Variants in PNKD observed in about 807,000 individuals in gnomAD.
The protein encoded by PNKD is PNKD metallo-beta-lactamase domain containing, also known as probable thioesterase PNKD.
A neutral mutation model predicts 45.3 loss-of-function variants in PNKD; 36 were observed. That is an observed-to-expected ratio of 0.80 (90% CI 0.61 to 1.05). The LOEUF (loss-of-function observed/expected upper bound fraction) is 1.05, where lower values mean the gene tolerates loss of function less well. PNKD is among the 50% of genes least tolerant of loss of function. The pLI, the probability that PNKD is intolerant of heterozygous loss-of-function variation, is 0.00. For missense variants in PNKD, 511 were observed against 506.6 expected (o/e 1.01, Z -0.08); for synonymous variants, 197 against 210.1 (o/e 0.94, Z 0.54).
intron 2 of PNKD, among the ~76,000 whole-genome samples, chr2:218,307,615 C>T (rs1389461075): frequency 1.3e-5 from 2 of 152,138 alleles, no homozygotes; most frequent in Non-Finnish European, 2.9e-5. Context: ...TTTGCCTGTC[C>T]TGCTGTGTGG....
At chr2:218,301,266 T>C (rs80221964) in intron 2 of PNKD, among the ~76,000 whole-genome samples, 5,031 of 152,218 alleles carry the variant, frequency 0.033, 270 homozygotes, top group African/African-American at 0.11. Context: ...CACAGATCTA[T>C]AGCGCTGGTC....
intron 2 of PNKD, among the ~76,000 whole-genome samples, chr2:218,322,956 G>A (rs1694028780): frequency 6.6e-6 from 1 of 152,174 alleles, no homozygotes; most frequent in African/African-American, 2.4e-5. Flanking sequence ...GGCGAACTGC[G>A]AGCTCCTGCC....
chr2:218,292,648 C>T (rs1693019133), intron 2 of PNKD: 2 of 152,100 alleles, frequency 1.3e-5, no homozygotes, highest in African/African-American at 4.8e-5. Flanking sequence ...CTCTCAGAGC[C>T]CCGACGACGC....
Position 218,280,362 on chromosome 2 carries a change from G to T in PNKD, c.236+8813G>T, listed in dbSNP as rs532061054. 6.4e-6 allele frequency: 3 copies of T among 470,812 alleles called. No individual in the cohort carries two copies. The East Asian group carries it at 1.3e-4, about 20-fold the overall frequency. The allele number at this position is 470,812 out of a possible 1,614,324, so 29.2% of individuals were successfully genotyped here. A position where few individuals can be genotyped will look rare whatever the true frequency, so the allele number is the denominator to read the frequency against. On this transcript the variant is annotated intron_variant, in intron 2 of 9. Transcript: ENST00000273077. ...TCACGTGCATCTGTGGAGGGCTCCT[G>T]TGTGCCCAGCCCACGCCACTGGGGG...
intron 6 of PNKD, 167 bp from the exon 7 acceptor site, chr2:218,341,814 A>G: frequency 1.3e-6 from 1 of 765,260 alleles, no homozygotes; most frequent in Non-Finnish European, 2.3e-6. Flanking sequence ...TCCCCAAAAG[A>G]GGAAAGGGGG....
intron 2 of PNKD, chr2:218,323,245 G>A: frequency 6.8e-7 from 1 of 1,467,220 alleles, no homozygotes; most frequent in Non-Finnish European, 9.0e-7. Flanking sequence ...GCCCCGCCCG[G>A]CCGGCGCGTG....
intron 2 of PNKD, among the ~76,000 whole-genome samples, chr2:218,292,973 G>A (rs1693030511): frequency 6.6e-6 from 1 of 152,164 alleles, no homozygotes; most frequent in Non-Finnish European, 1.5e-5. Flanking sequence ...CCATTGCATG[G>A]CTATGCGGAT....
chr2:218,298,855 A>G (rs894701042), intron 2 of PNKD, among the ~76,000 whole-genome samples: 1 of 152,158 alleles, frequency 6.6e-6, no homozygotes, highest in Non-Finnish European at 1.5e-5. Flanking sequence ...GCTCCTCCTC[A>G]TAGATACTTG....
At chr2:218,271,160 G>A (rs995817199) in intron 1 of PNKD, 4 of 602,106 alleles carry the variant, frequency 6.6e-6, no homozygotes, top group African/African-American at 3.7e-5. Context: ...TGGCACCAGG[G>A]TGATGAGCCC....
chr2:218,296,171 A>G (rs1233775053), intron 2 of PNKD, among the ~76,000 whole-genome samples: 1 of 152,132 alleles, frequency 6.6e-6, no homozygotes, highest in Admixed American at 6.6e-5. Context: ...TCATATAAGC[A>G]TATCCCACTG....
At chr2:218,271,818 G>A (rs1196549991) in intron 2 of PNKD, among the ~76,000 whole-genome samples, 2 of 152,176 alleles carry the variant, frequency 1.3e-5, no homozygotes, top group Non-Finnish European at 2.9e-5. Context: ...TGGGAGCTTG[G>A]AGTGAGACCC....
intron 2 of PNKD, among the ~76,000 whole-genome samples, chr2:218,311,174 C>T (rs1693605160): frequency 6.6e-6 from 1 of 152,170 alleles, no homozygotes; most frequent in Admixed American, 6.5e-5. Flanking sequence ...AGCCTATTTG[C>T]CTCCCCATCT....
At chr2:218,330,249 G>A (rs138852044) in intron 2 of PNKD, among the ~76,000 whole-genome samples, 9 of 152,302 alleles carry the variant, frequency 5.9e-5, no homozygotes, top group South Asian at 2.1e-4. Flanking sequence ...CCGGCCCTGG[G>A]CCTAGCTGGG....
chr2:218,339,897 T>C lies in PNKD; in HGVS notation c.351T>C (p.Asn117=), dbSNP rs1441331631. ...CGAAAACCCAGCCCCGCCTCTTCAA[T>C]GGTGAGCTCTGACTGCCCCGGCCAG... The part of the protein sequence containing the change: ...GHSKTQPRLF[N]GVKVLPIPVL... The change falls in exon 3 of 10, where the codon AAT becomes AAC. Residue 117 remains asparagine (N), a splice_region_variant and synonymous_variant. Transcript: ENST00000273077. 10 of 1,602,130 alleles carry C rather than the reference T, an allele frequency of 6.2e-6. No individual in the cohort carries two copies. Among genetic ancestry groups the C allele is most frequent in the Non-Finnish European group, 8.5e-6 (10 of 1,170,870 alleles).
intron 2 of PNKD, 114 bp from the exon 3 acceptor site, chr2:218,339,669 A>C: frequency 1.4e-6 from 1 of 729,066 alleles, no homozygotes; most frequent in East Asian, 2.7e-5. Context: ...GTGGAATTGC[A>C]TTGGCTCACA....
At chr2:218,338,538 A>G (rs1694567748) in intron 2 of PNKD, among the ~76,000 whole-genome samples, 1 of 151,626 alleles carries the variant, frequency 6.6e-6, no homozygotes, top group Non-Finnish European at 1.5e-5. Flanking sequence ...AGGCCAAGGC[A>G]GGAGGATTTG....
At chr2:218,277,654 A>C (rs1180354064) in intron 2 of PNKD, 1 of 1,614,108 alleles carries the variant, frequency 6.2e-7, no homozygotes, top group East Asian at 2.2e-5. Flanking sequence ...GCCCGTCATG[A>C]AGCCCATGGC....
At chr2:218,320,136 C>T (rs927361460) in intron 2 of PNKD, among the ~76,000 whole-genome samples, 17 of 152,202 alleles carry the variant, frequency 1.1e-4, no homozygotes, top group African/African-American at 3.9e-4. Flanking sequence ...TTTCAAAGAA[C>T]GTTTGTGAGT....
At chr2:218,295,083 C>T (rs763416785) in intron 2 of PNKD, among the ~76,000 whole-genome samples, 4 of 152,224 alleles carry the variant, frequency 2.6e-5, no homozygotes, top group Non-Finnish European at 5.9e-5. Flanking sequence ...CAAGCCCACA[C>T]AAGCCTTGCT....
Sources: gnomAD v4.1 joint callset for allele counts (sites outside exome capture counted in the v4.1 genomes callset) on GRCh38, gnomAD v4.1.1 for gene constraint, MANE v1.5 for transcripts, NCBI Gene and HGNC (gene_info 2026-07-23, HGNC 2026-07-21) for gene names.